The following LRRC4C variants were observed in gnomAD, a reference collection of about 807,000 sequenced individuals.
The protein encoded by LRRC4C is leucine-rich repeat-containing protein 4C.
LRRC4C carries 5 observed loss-of-function variants against 33.6 expected under a neutral mutation model. The observed-to-expected ratio is 0.15, with a 90% CI of 0.08 to 0.31. The LOEUF (loss-of-function observed/expected upper bound fraction) is 0.31, where lower values mean the gene tolerates loss of function less well. LRRC4C is among the 10% of genes least tolerant of loss of function. LRRC4C has a pLI of 1.00. For synonymous variants in LRRC4C, 329 were observed against 302.0 expected, an observed-to-expected ratio of 1.09 and a Z score of -0.93; for missense variants, 560 against 796.7, an observed-to-expected ratio of 0.70 and a Z score of 3.58.
intron 4 of LRRC4C, among the ~76,000 whole-genome samples, chr11:40,302,921 T>A (rs72893120): frequency 0.058 from 8,762 of 152,242 alleles, 369 homozygotes; most frequent in African/African-American, 0.11. Flanking sequence ...TTAGGAGAAC[T>A]GCAAATACTT....
At chr11:41,171,274 A>T (rs1944964656) in intron 1 of LRRC4C, among the ~76,000 whole-genome samples, 1 of 152,216 alleles carries the variant, frequency 6.6e-6, no homozygotes, top group South Asian at 2.1e-4. Flanking sequence ...AAAGGATTGT[A>T]AATCATGCTG....
intron 1 of LRRC4C, among the ~76,000 whole-genome samples, chr11:41,260,630 T>A (rs1200207132): frequency 1.3e-5 from 2 of 151,758 alleles, no homozygotes; most frequent in African/African-American, 2.4e-5. Flanking sequence ...TATATATATA[T>A]AAATAAAATA....
At chr11:41,293,816 C>G (rs772307145) in intron 1 of LRRC4C, among the ~76,000 whole-genome samples, 2 of 152,038 alleles carry the variant, frequency 1.3e-5, no homozygotes, top group Non-Finnish European at 2.9e-5. Flanking sequence ...AGGCTTGTCT[C>G]GAACTCTTGA....
At chr11:41,001,932 T>C (rs538397053) in intron 1 of LRRC4C, among the ~76,000 whole-genome samples, 1 of 152,048 alleles carries the variant, frequency 6.6e-6, no homozygotes, top group East Asian at 1.9e-4. Context: ...CTGAGATAAA[T>C]TGTCCTTTAC....
chr11:40,976,252 CA>C (rs1852077001), intron 1 of LRRC4C, among the ~76,000 whole-genome samples: 2 of 152,196 alleles, frequency 1.3e-5, no homozygotes, highest in South Asian at 4.1e-4. Flanking sequence ...ACTGACTTAG[CA>C]ATGCTGTGCA....
At chr11:41,057,862 T>C (rs1054018507) in intron 1 of LRRC4C, among the ~76,000 whole-genome samples, 1 of 152,094 alleles carries the variant, frequency 6.6e-6, no homozygotes, top group Non-Finnish European at 1.5e-5. Flanking sequence ...TCAGGATGAA[T>C]TGTGTAGCCG....
intron 1 of LRRC4C, among the ~76,000 whole-genome samples, chr11:41,348,806 T>A (rs2137545376): frequency 6.6e-6 from 1 of 152,222 alleles, no homozygotes; most frequent in East Asian, 1.9e-4. Context: ...TGGCCCACTA[T>A]TACCACAGAC....
At chr11:40,846,760 T>C (rs1479775505) in intron 2 of LRRC4C, among the ~76,000 whole-genome samples, 1 of 152,198 alleles carries the variant, frequency 6.6e-6, no homozygotes, top group African/African-American at 2.4e-5. Context: ...GTATGGCCAT[T>C]TTCCTGATAT....
intron 2 of LRRC4C, among the ~76,000 whole-genome samples, chr11:40,794,805 A>G (rs568284313): frequency 6.6e-6 from 1 of 151,544 alleles, no homozygotes; most frequent in African/African-American, 2.4e-5. Flanking sequence ...CACGACTCAA[A>G]GTCCGTAACC....
At chr11:41,376,730 G>A (rs1032868821) in intron 1 of LRRC4C, among the ~76,000 whole-genome samples, 3 of 151,946 alleles carry the variant, frequency 2.0e-5, no homozygotes, top group Non-Finnish European at 2.9e-5. Flanking sequence ...ACAATATACT[G>A]ACACACACAT....
chr11:41,440,322 G>A (rs1955574352), intron 1 of LRRC4C, among the ~76,000 whole-genome samples: 2 of 152,006 alleles, frequency 1.3e-5, no homozygotes, highest in African/African-American at 4.8e-5. Flanking sequence ...AGTGAAAGGG[G>A]GAGAAAAATT....
intron 4 of LRRC4C, among the ~76,000 whole-genome samples, chr11:40,282,360 C>A (rs530879975): frequency 6.6e-6 from 1 of 152,014 alleles, no homozygotes; most frequent in South Asian, 2.1e-4. Context: ...CAAAACAAAA[C>A]AAAACAACAA....
intron 1 of LRRC4C, among the ~76,000 whole-genome samples, chr11:41,118,445 T>A (rs1448026143): frequency 6.6e-6 from 1 of 152,190 alleles, no homozygotes; most frequent in African/African-American, 2.4e-5. Context: ...AATTTCTGTC[T>A]TGCTCTTTTC....
intron 2 of LRRC4C, among the ~76,000 whole-genome samples, chr11:40,923,067 TG>T (rs1286177350): frequency 1.3e-5 from 2 of 152,112 alleles, no homozygotes; most frequent in African/African-American, 4.8e-5. Context: ...TCAGGTGATC[TG>T]CCCCCCTCAG....
rs1030114624 is a variant in LRRC4C at position 41,088,650 on chromosome 11, G to C, written c.-495-154927C>G. ...TGATAAGTTGAGGAGAAAAGCAAAA[G>C]TTTAAAAAGTTAAATGGTTATCTTT... On this transcript the variant is annotated intron_variant, in intron 1 of 6. Coordinates refer to ENST00000528697, the MANE Select transcript of LRRC4C (RefSeq NM_001258419.2). 1.2e-4 allele frequency among the ~76,000 whole-genome samples: 18 copies of C among 152,186 alleles called. No individual in the cohort carries two copies. The East Asian group carries it at 3.5e-3, about 29-fold the overall frequency.
intron 3 of LRRC4C, among the ~76,000 whole-genome samples, chr11:40,499,564 C>G (rs2138605040): frequency 6.6e-6 from 1 of 151,942 alleles, no homozygotes; most frequent in Admixed American, 6.6e-5. Flanking sequence ...TTGTTGACAT[C>G]AACAAAAGAG....
At position 40,628,371 on chromosome 11, in the gene LRRC4C, G is replaced by A. The variant is rs186441527; in HGVS notation, c.-270+19771C>T. On this transcript the variant is annotated intron_variant, in intron 3 of 6. Coordinates refer to ENST00000528697, the MANE Select transcript of LRRC4C (RefSeq NM_001258419.2). Reference sequence around the variant, plus strand: ...CGGGTGCCTGTAGTCCCAGCTACTCGGGAGGCTGAGGCAGGAGAACGGCGT... The same window carrying A: ...CGGGTGCCTGTAGTCCCAGCTACTCAGGAGGCTGAGGCAGGAGAACGGCGT... 1.5e-3 allele frequency among the ~76,000 whole-genome samples: 231 copies of A among 152,182 alleles called. 1 individual carries two copies. Among genetic ancestry groups the A allele is most frequent in the African/African-American group, 5.2e-3 (216 of 41,540 alleles).
intron 5 of LRRC4C, among the ~76,000 whole-genome samples, chr11:40,234,399 C>G (rs1038781497): frequency 1.3e-5 from 2 of 152,078 alleles, no homozygotes; most frequent in Non-Finnish European, 2.9e-5. Flanking sequence ...ACTGACTGAG[C>G]TCTTAATTAC....
chr11:40,899,063 G>A (rs1211052826), intron 2 of LRRC4C, among the ~76,000 whole-genome samples: 2 of 150,104 alleles, frequency 1.3e-5, no homozygotes, highest in African/African-American at 4.9e-5. Context: ...CAAGTATTTA[G>A]AATGTGCATT....
Sources: gnomAD v4.1 joint callset for allele counts (sites outside exome capture counted in the v4.1 genomes callset) on GRCh38, gnomAD v4.1.1 for gene constraint, MANE v1.5 for transcripts, NCBI Gene and HGNC (gene_info 2026-07-23, HGNC 2026-07-21) for gene names.